The following ZFHX3 variants were observed in gnomAD, a reference collection of about 807,000 sequenced individuals.
ZFHX3 encodes the protein zinc finger homeobox 3.
In ZFHX3, 42 loss-of-function variants were observed where a neutral mutation model predicts 279.1. That is an observed-to-expected ratio of 0.15 (90% confidence interval 0.12 to 0.19). The LOEUF (loss-of-function observed/expected upper bound fraction) is 0.19. Ranked by LOEUF, ZFHX3 falls within the 10% of genes least tolerant of loss-of-function variation. The probability of loss-of-function intolerance (pLI) is 1.00; values close to 1 mark genes in which losing one functional copy is unlikely to be tolerated. For synonymous variants in ZFHX3, 2,293 were observed against 1,957.8 expected (o/e 1.17, Z -4.52); for missense variants, 4,981 against 4,754.0 (o/e 1.05, Z -1.40).
intron 2 of ZFHX3, among the ~76,000 whole-genome samples, chr16:73,613,107 T>C (rs189185790): frequency 1.5e-4 from 23 of 152,330 alleles, no homozygotes; most frequent in African/African-American, 5.3e-4. Flanking sequence ...TTTTTATTTA[T>C]ATAGTGAAAA....
intron 3 of ZFHX3, among the ~76,000 whole-genome samples, chr16:73,435,545 C>T (rs139134419): frequency 2.8e-4 from 43 of 152,224 alleles, no homozygotes; most frequent in African/African-American, 2.4e-4. Context: ...TTCTGTACTC[C>T]GTAGCAACTT....
intron 5 of ZFHX3, among the ~76,000 whole-genome samples, chr16:73,225,834 G>GC (rs1214978857): frequency 1.3e-5 from 2 of 152,008 alleles, no homozygotes; most frequent in Non-Finnish European, 2.9e-5. Flanking sequence ...TTAAGCAACA[G>GC]CCACTTCACT....
intron 2 of ZFHX3, among the ~76,000 whole-genome samples, chr16:73,640,967 C>A (rs888587993): frequency 6.6e-6 from 1 of 152,114 alleles, no homozygotes; most frequent in African/African-American, 2.4e-5. Flanking sequence ...GCAGATCATA[C>A]AAAGCAGCCG....
chr16:73,384,592 T>G (rs2143377677), intron 3 of ZFHX3, among the ~76,000 whole-genome samples: 1 of 152,344 alleles, frequency 6.6e-6, no homozygotes, highest in South Asian at 2.1e-4. Context: ...ATCACATAAC[T>G]TGAGTCAGCT....
At chr16:72,856,386 T>C (rs1282336763) in intron 4 of ZFHX3, among the ~76,000 whole-genome samples, 1 of 152,198 alleles carries the variant, frequency 6.6e-6, no homozygotes, top group African/African-American at 2.4e-5. Context: ...TCACGAGGCT[T>C]CCGGTGTTCC....
rs1023069239 is a variant in ZFHX3, at chr16:72,787,108, T to C, written c.*56A>G. The C allele has an allele frequency of 5.4e-5, 71 of 1,321,670 alleles. No individual in the cohort carries two copies. Among genetic ancestry groups the C allele is most frequent in the Middle Eastern group, 2.3e-4 (1 of 4,372 alleles). The allele number at this position is 1,321,670 out of a possible 1,614,324, so 81.9% of individuals were successfully genotyped here. ...GCAGTTAGTCTATTTTTGAAATTGG[T>C]TTGTTATTAATTTTTGTATTTAAAT... On this transcript the variant is annotated 3_prime_UTR_variant, in exon 10 of 10. Transcript: ENST00000268489.
intron 1 of ZFHX3, among the ~76,000 whole-genome samples, chr16:73,814,260 A>G (rs1424704303): frequency 6.6e-6 from 1 of 152,184 alleles, no homozygotes; most frequent in Non-Finnish European, 1.5e-5. Flanking sequence ...GAGACAATAA[A>G]TGGTAGCCAG....
At chr16:73,579,960 T>C (rs1033129954) in intron 2 of ZFHX3, among the ~76,000 whole-genome samples, 3 of 147,320 alleles carry the variant, frequency 2.0e-5, no homozygotes, top group Non-Finnish European at 4.5e-5. Context: ...ATATAATGTA[T>C]TATAATATAT....
chr16:73,313,754 A>G (rs1253090750), intron 4 of ZFHX3, among the ~76,000 whole-genome samples: 1 of 152,226 alleles, frequency 6.6e-6, no homozygotes, highest in Admixed American at 6.5e-5. Context: ...AGGAGGTAGT[A>G]TGATGCTTAA....
At chr16:72,869,974 A>T (rs1171752054) in intron 4 of ZFHX3, among the ~76,000 whole-genome samples, 2 of 152,242 alleles carry the variant, frequency 1.3e-5, no homozygotes, top group African/African-American at 4.8e-5. Flanking sequence ...CATTTCTACC[A>T]AAATACACAG....
At chr16:73,487,267 G>A (rs984892323) in intron 2 of ZFHX3, among the ~76,000 whole-genome samples, 3 of 152,204 alleles carry the variant, frequency 2.0e-5, no homozygotes, top group Non-Finnish European at 2.9e-5. Flanking sequence ...AAATGAAAGA[G>A]TTTAGTTAAT....
At chr16:73,058,025 C>A (rs993158081) in intron 1 of ZFHX3, among the ~76,000 whole-genome samples, 20 of 144,362 alleles carry the variant, frequency 1.4e-4, no homozygotes, top group African/African-American at 4.7e-4. Flanking sequence ...CACCGCGGAC[C>A]CCCCCATACT....
At chr16:73,496,615 G>A (rs2019146660) in intron 2 of ZFHX3, among the ~76,000 whole-genome samples, 2 of 152,194 alleles carry the variant, frequency 1.3e-5, no homozygotes, top group Non-Finnish European at 2.9e-5. Flanking sequence ...ACCAATTAAC[G>A]AAGGATGGGT....
chr16:73,716,651 G>A (rs62042426), intron 1 of ZFHX3, among the ~76,000 whole-genome samples: 2,575 of 98,040 alleles, frequency 0.026, 41 homozygotes, highest in Non-Finnish European at 0.029. Context: ...ACACACACAC[G>A]CATGCACGCA....
At chr16:73,123,730 A>G (rs951261592) in intron 7 of ZFHX3, 4 of 152,140 alleles carry the variant, frequency 2.6e-5, no homozygotes, top group African/African-American at 9.7e-5. Flanking sequence ...CTAATCCCCA[A>G]TTTAGGGGCA....
At position 73,290,925 on chromosome 16, in the gene ZFHX3, G is replaced by A. The variant is rs564894174; in HGVS notation, c.-1194+27315C>T. On this transcript the variant is annotated intron_variant, in intron 4 of 17. Coordinates refer to the ZFHX3 transcript ENST00000641206. ...GCAAATGGGAAATGCAGAACATAGA[G>A]AACTAGAAAACATGGCCTTGGGAAA... Among the ~76,000 whole-genome samples the A allele has an allele frequency of 1.4e-3, 219 of 152,182 alleles. 1 individual carries two copies. The highest frequency in any genetic ancestry group is 2.3e-3 in the Admixed American group (35 of 15,284).
chr16:73,231,038 G>A (rs952218679), intron 5 of ZFHX3, among the ~76,000 whole-genome samples: 5 of 152,176 alleles, frequency 3.3e-5, no homozygotes, highest in African/African-American at 1.2e-4. Flanking sequence ...CAGAGAGATT[G>A]TATTACCAAA....
chr16:73,029,799 A>C (rs1964630514), intron 1 of ZFHX3, among the ~76,000 whole-genome samples: 1 of 152,178 alleles, frequency 6.6e-6, no homozygotes, highest in Non-Finnish European at 1.5e-5. Flanking sequence ...CTGGCCTGGG[A>C]AGTGGCAGAG....
At chr16:73,262,878 C>G (rs914789602) in intron 4 of ZFHX3, among the ~76,000 whole-genome samples, 1 of 152,182 alleles carries the variant, frequency 6.6e-6, no homozygotes, top group East Asian at 1.9e-4. Flanking sequence ...GGAGCAGAGA[C>G]AAGAATCCCC....
Sources: gnomAD v4.1 joint callset for allele counts (sites outside exome capture counted in the v4.1 genomes callset) on GRCh38, gnomAD v4.1.1 for gene constraint, MANE v1.5 for transcripts, NCBI Gene and HGNC (gene_info 2026-07-23, HGNC 2026-07-21) for gene names.